PAX7: variants seen among roughly 807,000 people sequenced by gnomAD.
PAX7 encodes the protein paired box 7, also known as paired box protein Pax-7.
A neutral mutation model predicts 50.7 loss-of-function variants in PAX7; 18 were observed. The observed-to-expected ratio is 0.36, with a 90% CI of 0.25 to 0.53. The LOEUF is 0.53. Ranked by LOEUF, PAX7 falls within the 20% of genes least tolerant of loss-of-function variation. The pLI is 0.93. For missense variants in PAX7, 644 were observed against 702.9 expected, an observed-to-expected ratio of 0.92 and a Z score of 0.95; for synonymous variants, 310 against 290.4, an observed-to-expected ratio of 1.07 and a Z score of -0.69.
intron 4 of PAX7, among the ~76,000 whole-genome samples, chr1:18,643,857 G>C (rs2088297514): frequency 6.6e-6 from 1 of 152,208 alleles, no homozygotes; most frequent in South Asian, 2.1e-4. Context: ...ACCCCGAGGC[G>C]GGAGGCCGGG....
At chr1:18,649,864 G>A (rs1051860736) in intron 4 of PAX7, among the ~76,000 whole-genome samples, 3 of 152,246 alleles carry the variant, frequency 2.0e-5, no homozygotes. Flanking sequence ...CATTCTGGAA[G>A]AGCCGCTTCA....
intron 5 of PAX7, among the ~76,000 whole-genome samples, chr1:18,695,426 T>G (rs757367681): frequency 1.3e-4 from 20 of 152,228 alleles, no homozygotes; most frequent in Non-Finnish European, 2.9e-4. Context: ...CTCTGCTGTC[T>G]TGAAGCTGGC....
intron 4 of PAX7, among the ~76,000 whole-genome samples, chr1:18,652,066 G>T (rs570563064): frequency 2.6e-5 from 4 of 151,996 alleles, no homozygotes; most frequent in Non-Finnish European, 5.9e-5. Context: ...CCGGCCCCCT[G>T]GCAGGAGGCA....
intron 7 of PAX7, among the ~76,000 whole-genome samples, chr1:18,734,932 C>T (rs140889863): frequency 6.6e-5 from 10 of 152,314 alleles, no homozygotes; most frequent in East Asian, 3.9e-4. Context: ...GACAAGCCTC[C>T]CCTGGTAGTC....
chr1:18,656,231 C>T (rs1013264751), intron 4 of PAX7, among the ~76,000 whole-genome samples: 7 of 152,168 alleles, frequency 4.6e-5, no homozygotes, highest in Admixed American at 3.3e-4. Context: ...CAGTGGCTCA[C>T]GCCTGTAATC....
intron 5 of PAX7, among the ~76,000 whole-genome samples, chr1:18,698,792 C>A (rs1411145298): frequency 6.6e-6 from 1 of 152,356 alleles, no homozygotes; most frequent in Non-Finnish European, 1.5e-5. Context: ...TGCCTCCTCT[C>A]CCTTTCTCTG....
At chr1:18,680,554 A>G (rs2088884817) in intron 4 of PAX7, among the ~76,000 whole-genome samples, 1 of 152,090 alleles carries the variant, frequency 6.6e-6, no homozygotes, top group African/African-American at 2.4e-5. Flanking sequence ...ACTTAAACAT[A>G]CCCAGGAGTT....
chr1:18,670,037 C>G (rs545623814), intron 4 of PAX7, among the ~76,000 whole-genome samples: 1 of 135,614 alleles, frequency 7.4e-6, no homozygotes, highest in African/African-American at 2.9e-5. Context: ...GAGCCGAGAT[C>G]GTGCCACTGC....
intron 4 of PAX7, among the ~76,000 whole-genome samples, chr1:18,673,082 G>A (rs1222888413): frequency 1.3e-5 from 2 of 152,200 alleles, no homozygotes; most frequent in African/African-American, 4.8e-5. Flanking sequence ...GGAGTGGCAA[G>A]GGGTCTGTAG....
At chr1:18,643,613 G>A (rs1358709519) in intron 4 of PAX7, among the ~76,000 whole-genome samples, 1 of 152,232 alleles carries the variant, frequency 6.6e-6, no homozygotes, top group African/African-American at 2.4e-5. Flanking sequence ...CCGCGGGAGA[G>A]CACGGGCCGA....
chr1:18,705,191 G>A (rs1156280231), intron 7 of PAX7, among the ~76,000 whole-genome samples: 4 of 152,224 alleles, frequency 2.6e-5, no homozygotes, highest in South Asian at 2.1e-4. Flanking sequence ...CAGCCTGTCG[G>A]CCAGAATGTC....
intron 4 of PAX7, among the ~76,000 whole-genome samples, chr1:18,646,261 T>C (rs1404631596): frequency 6.6e-6 from 1 of 150,514 alleles, no homozygotes; most frequent in Non-Finnish European, 1.5e-5. Flanking sequence ...TCCCTCTCTC[T>C]TCAAATTAGG....
intron 6 of PAX7, among the ~76,000 whole-genome samples, chr1:18,702,285 G>T (rs1476552088): frequency 2.0e-5 from 3 of 152,096 alleles, no homozygotes; most frequent in Admixed American, 6.6e-5. Flanking sequence ...GTTGCACGGA[G>T]CCCAGATCGC....
chr1:18,639,998 G>A (rs1360885731), intron 4 of PAX7, among the ~76,000 whole-genome samples: 1 of 142,144 alleles, frequency 7.0e-6, no homozygotes, highest in Non-Finnish European at 1.5e-5. Flanking sequence ...GGGGCGGGGG[G>A]GAAATCCTGG....
chr1:18,639,197 T>G (rs904377124), intron 4 of PAX7, among the ~76,000 whole-genome samples: 8 of 152,178 alleles, frequency 5.3e-5, no homozygotes, highest in Non-Finnish European at 1.2e-4. Flanking sequence ...GAAACTGTGT[T>G]GGAGAGGGGT....
intron 4 of PAX7, among the ~76,000 whole-genome samples, chr1:18,645,238 C>T (rs1446691706): frequency 1.3e-5 from 2 of 152,194 alleles, no homozygotes; most frequent in Non-Finnish European, 2.9e-5. Flanking sequence ...GAGTGGCCCG[C>T]GTCGGCGGGC....
chr1:18,683,286 TA>T (rs2088925389), intron 4 of PAX7, among the ~76,000 whole-genome samples: 1 of 152,216 alleles, frequency 6.6e-6, no homozygotes. Flanking sequence ...ATGGATACCT[TA>T]GACCCAGAGC....
intron 4 of PAX7, among the ~76,000 whole-genome samples, chr1:18,653,363 G>C (rs139684740): frequency 6.6e-6 from 1 of 152,100 alleles, no homozygotes; most frequent in Non-Finnish European, 1.5e-5. Flanking sequence ...GTATATTGTT[G>C]TTGTTGTTGC....
chr1:18,716,372 C>G (rs574051559), intron 7 of PAX7, among the ~76,000 whole-genome samples: 15 of 152,284 alleles, frequency 9.9e-5, no homozygotes, highest in African/African-American at 3.4e-4. Flanking sequence ...CAGCCTCCCC[C>G]ACCCCTCAGC....
Sources: allele counts gnomAD v4.1 joint callset (sites outside exome capture counted in the v4.1 genomes callset), GRCh38; gene constraint gnomAD v4.1.1; transcripts MANE v1.5; gene names NCBI Gene and HGNC (gene_info 2026-07-23, HGNC 2026-07-21).